The following PGAP1 variants were observed in gnomAD, a reference collection of about 807,000 sequenced individuals.
The protein encoded by PGAP1 is post-GPI attachment to proteins inositol deacylase 1.
Under a neutral mutation model 127.0 loss-of-function variants are expected in PGAP1, and 76 were observed. That is an observed-to-expected ratio of 0.60 (90% confidence interval 0.50 to 0.72). The LOEUF (loss-of-function observed/expected upper bound fraction) is 0.72, where lower values mean the gene tolerates loss of function less well. PGAP1 is among the 30% of genes least tolerant of loss of function. PGAP1 has a pLI of 0.00. For synonymous variants in PGAP1, 362 were observed against 366.5 expected, an observed-to-expected ratio of 0.99 and a Z score of 0.14; for missense variants, 982 against 1,071.3, an observed-to-expected ratio of 0.92 and a Z score of 1.16.
At chr2:196,887,015 C>T (rs1159795205) in intron 10 of PGAP1, among the ~76,000 whole-genome samples, 1 of 152,158 alleles carries the variant, frequency 6.6e-6, no homozygotes. Context: ...AGCCCAATTC[C>T]AAGGGCTCCA....
intron 18 of PGAP1, among the ~76,000 whole-genome samples, chr2:196,872,066 C>A (rs115045572): frequency 0.01 from 1,531 of 152,166 alleles, 20 homozygotes; most frequent in African/African-American, 0.035. Context: ...AGCTAACAAC[C>A]AGTAGAGCTA....
At chr2:196,884,999 A>T (rs1441122100) in intron 12 of PGAP1, among the ~76,000 whole-genome samples, 1 of 152,164 alleles carries the variant, frequency 6.6e-6, no homozygotes, top group Admixed American at 6.5e-5. Flanking sequence ...TAGTTATTTG[A>T]GTGCTTGACC....
At chr2:196,854,348 A>G (rs1700810820) in intron 20 of PGAP1, among the ~76,000 whole-genome samples, 1 of 152,152 alleles carries the variant, frequency 6.6e-6, no homozygotes. Context: ...AACATTGTCA[A>G]ATGATAAGTG....
rs754123082 is a variant in PGAP1 at position 196,912,976 on chromosome 2, T to A, written c.555A>T (p.Thr185=). ...TCAGATCATGCTTAAAATTTTTCAG[T>A]GTAAGCAATGCTCTTGCAACAAGGC... ...MGGLVARALL[T]LKNFKHDLIN... is the part of the protein sequence containing the mutation. The change falls in exon 4 of 27, where the codon ACA becomes ACT. Residue 185 remains threonine (T), a synonymous_variant. Coordinates refer to ENST00000354764, the MANE Select transcript of PGAP1 (RefSeq NM_024989.4). 3 of 1,613,926 alleles carry A rather than the reference T, an allele frequency of 1.9e-6. No individual in the cohort carries two copies. Among genetic ancestry groups the A allele is most frequent in the Non-Finnish European group, 2.5e-6 (3 of 1,179,922 alleles).
intron 25 of PGAP1, 138 bp from the exon 26 acceptor site, chr2:196,842,963 T>G: frequency 8.1e-6 from 3 of 371,580 alleles, no homozygotes; most frequent in Non-Finnish European, 9.8e-6. Flanking sequence ...GTTCATGAAA[T>G]ATCTGATAAA....
intron 20 of PGAP1, among the ~76,000 whole-genome samples, chr2:196,851,707 G>A (rs1014667725): frequency 3.3e-5 from 5 of 151,982 alleles, no homozygotes; most frequent in Non-Finnish European, 5.9e-5. Context: ...CTGCTTCCAC[G>A]GCACACCTTT....
At chr2:196,914,592 G>A (rs911520857) in intron 3 of PGAP1, among the ~76,000 whole-genome samples, 1 of 151,596 alleles carries the variant, frequency 6.6e-6, no homozygotes, top group South Asian at 2.1e-4. Flanking sequence ...CTGTACTCCA[G>A]CCTGGTGACA....
At chr2:196,880,750 T>C (rs1701703977) in intron 12 of PGAP1, among the ~76,000 whole-genome samples, 1 of 152,210 alleles carries the variant, frequency 6.6e-6, no homozygotes, top group Admixed American at 6.5e-5. Flanking sequence ...TATTTATTTC[T>C]CAAAATTAAG....
chr2:196,922,636 C>A, intron 1 of PGAP1: 3 of 470,402 alleles, frequency 6.4e-6, no homozygotes, highest in Non-Finnish European at 8.3e-6. Context: ...AAGAGAGAGA[C>A]ATCCTTTAAA....
In PGAP1 at chr2:196,926,696, G is replaced by T; in HGVS notation, c.-80C>A. On this transcript the variant is annotated 5_prime_UTR_variant, in exon 1 of 27. Transcript: ENST00000354764. ...GCGGGGCCCCAAGCCCGGACTGAGC[G>T]TGCTAGACACTGTCCGACCGCCACC... 2 of 1,589,348 alleles carry T rather than the reference G, an allele frequency of 1.3e-6. No individual in the cohort carries two copies. Among genetic ancestry groups the T allele is most frequent in the South Asian group, 1.1e-5 (1 of 89,628 alleles).
rs1172846506 is a variant in PGAP1 at position 196,841,268 on chromosome 2, G to C, written c.2735C>G (p.Pro912Arg). 3 of 1,613,540 alleles carry C rather than the reference G, an allele frequency of 1.9e-6. No homozygotes were observed. Among genetic ancestry groups the C allele is most frequent in the Non-Finnish European group, 2.5e-6 (3 of 1,179,840 alleles). ...LYRLPCFVFI[P>R]LLLHALCNFM Reference sequence around the variant, plus strand: ...GTTGCATAATGCATGGAGTAAAAGAGGAATGAAGACAAAGCATGGAAGCCT... The same window carrying C: ...GTTGCATAATGCATGGAGTAAAAGACGAATGAAGACAAAGCATGGAAGCCT... Residue 912 changes from proline to arginine, a missense_variant, in exon 27 of 27, where the codon CCT becomes CGT. Physicochemically the swap from Pro to Arg is moderately radical, Grantham distance 103. Coordinates refer to ENST00000354764, the MANE Select transcript of PGAP1 (RefSeq NM_024989.4).
At chr2:196,877,826 A>T (rs1421732525) in intron 13 of PGAP1, among the ~76,000 whole-genome samples, 1 of 152,146 alleles carries the variant, frequency 6.6e-6, no homozygotes, top group African/African-American at 2.4e-5. Context: ...TAGTCACTGA[A>T]GGTTGAGGAT....
rs1187606049 is a variant in PGAP1 at position 196,833,637 on chromosome 2, T to C, written c.*7597A>G. On this transcript the variant is annotated 3_prime_UTR_variant, in exon 27 of 27. Coordinates refer to ENST00000354764, the MANE Select transcript of PGAP1 (RefSeq NM_024989.4). ...TTTAAGGAAAGACATTTTCTTTGTA[T>C]GTGTTTTTAGAGAAATCTATATTTT... The C allele has an allele frequency of 6.6e-6, 1 of 152,182 alleles. No individual in the cohort carries two copies. The highest frequency in any genetic ancestry group is 1.5e-5 in the Non-Finnish European group (1 of 67,982). The allele number at this position is 152,182 out of a possible 1,614,324, so 9.4% of individuals were successfully genotyped here. A position where few individuals can be genotyped will look rare whatever the true frequency, so the allele number is the denominator to read the frequency against.
chr2:196,883,626 C>T (rs761090548), intron 12 of PGAP1, among the ~76,000 whole-genome samples: 3 of 152,144 alleles, frequency 2.0e-5, no homozygotes, highest in Non-Finnish European at 4.4e-5. Flanking sequence ...TGAATTTATA[C>T]GTGCTTTGAT....
intron 10 of PGAP1, among the ~76,000 whole-genome samples, chr2:196,887,028 C>T (rs1417988159): frequency 6.6e-6 from 1 of 152,186 alleles, no homozygotes; most frequent in African/African-American, 2.4e-5. Context: ...GGGCTCCAGA[C>T]TAAAGCTGGT....
At position 196,842,737 on chromosome 2, in the gene PGAP1, C is replaced by T. The variant is rs1202995401; in HGVS notation, c.2614G>A (p.Val872Ile). Reference protein sequence around the residue: ...TMAILGNTYTVSIKSSKLLKT... With the variant: ...TMAILGNTYTISIKSSKLLKT... ...CTACTGTACCTTGATTTTATTGAAA[C>T]AGTGTAAGTATTTCCAAGAATTGCC... The change falls in exon 26 of 27, where the codon GTT (valine) becomes ATT (isoleucine). Residue 872 changes from valine to isoleucine, a missense_variant. By Grantham distance (29) the Val-to-Ile change is conservative (BLOSUM62 3). Transcript: ENST00000354764. 2.6e-6 allele frequency: 4 copies of T among 1,548,630 alleles called. No homozygotes were observed. Among genetic ancestry groups the T allele is most frequent in the Admixed American group, 3.6e-5 (2 of 55,334 alleles).
rs2125769638 is a variant in PGAP1 at position 196,835,455 on chromosome 2, C to A, written c.*5779G>T. Reference sequence around the variant, plus strand: ...TTCAAATAATTATTTCAATGAATTGCTGAAAGATCATTACTAGGCAAACTT... The same window carrying A: ...TTCAAATAATTATTTCAATGAATTGATGAAAGATCATTACTAGGCAAACTT... On this transcript the variant is annotated 3_prime_UTR_variant, in exon 27 of 27. Coordinates refer to ENST00000354764, the MANE Select transcript of PGAP1 (RefSeq NM_024989.4). 1 of 152,020 alleles carries A rather than the reference C, an allele frequency of 6.6e-6. No homozygotes were observed. The highest frequency in any genetic ancestry group is 2.1e-4 in the South Asian group (1 of 4,824). The allele number at this position is 152,020 out of a possible 1,614,324, so 9.4% of individuals were successfully genotyped here.
intron 19 of PGAP1, among the ~76,000 whole-genome samples, chr2:196,867,662 TTAAAAG>T (rs1701285682): frequency 6.6e-6 from 1 of 152,206 alleles, no homozygotes; most frequent in African/African-American, 2.4e-5. Context: ...TGTCACATTA[TTAAAAG>T]TAAATTTACT....
At chr2:196,850,810 T>C (rs1270458043) in intron 20 of PGAP1, among the ~76,000 whole-genome samples, 2 of 151,680 alleles carry the variant, frequency 1.3e-5, no homozygotes, top group Non-Finnish European at 2.9e-5. Context: ...GGAAGGAAAT[T>C]AGGGAGTGAG....
Sources: gnomAD v4.1 joint callset for allele counts (sites outside exome capture counted in the v4.1 genomes callset) on GRCh38, gnomAD v4.1.1 for gene constraint, MANE v1.5 for transcripts, NCBI Gene and HGNC (gene_info 2026-07-23, HGNC 2026-07-21) for gene names.